Variants in SLC4A7 observed in about 807,000 individuals in gnomAD.
The protein encoded by SLC4A7 is solute carrier family 4 member 7.
In SLC4A7, 51 loss-of-function variants were observed where a neutral mutation model predicts 137.6. The observed-to-expected ratio is 0.37, with a 90% CI of 0.30 to 0.47. The LOEUF (loss-of-function observed/expected upper bound fraction) is 0.47, where lower values mean the gene tolerates loss of function less well. Among genes scored for constraint, SLC4A7 ranks in the 20% least tolerant of loss-of-function variants. The pLI, the probability that SLC4A7 is intolerant of heterozygous loss-of-function variation, is 1.00. For synonymous variants in SLC4A7, 542 were observed against 518.6 expected, an observed-to-expected ratio of 1.05 and a Z score of -0.61; for missense variants, 1,247 against 1,525.4, an observed-to-expected ratio of 0.82 and a Z score of 3.04.
intron 11 of SLC4A7, among the ~76,000 whole-genome samples, chr3:27,412,089 C>T (rs1576297993): frequency 6.6e-6 from 1 of 152,218 alleles, no homozygotes; most frequent in East Asian, 1.9e-4. Flanking sequence ...ATCTCTCCCA[C>T]CAAAACTTTA....
At chr3:27,465,499 TAACA>T (rs1353290146) in intron 1 of SLC4A7, among the ~76,000 whole-genome samples, 150 of 139,982 alleles carry the variant, frequency 1.1e-3, no homozygotes, top group African/African-American at 3.8e-3. Context: ...AAAAAAGTAC[TAACA>T]TTTTTACTGC....
chr3:27,474,359 C>T (rs539981275), intron 1 of SLC4A7, among the ~76,000 whole-genome samples: 5 of 152,222 alleles, frequency 3.3e-5, no homozygotes, highest in African/African-American at 1.2e-4. Context: ...GTTTTAAAAA[C>T]AGTATAAAGC....
intron 1 of SLC4A7, among the ~76,000 whole-genome samples, chr3:27,469,757 A>C (rs940170594): frequency 1.3e-5 from 2 of 152,188 alleles, no homozygotes; most frequent in Non-Finnish European, 1.5e-5. Context: ...CTGTCTCAAA[A>C]AAAAATAATA....
rs370701448 is a variant in SLC4A7 at position 27,452,379 on chromosome 3, T to C, written c.142+38A>G. 1.1e-5 allele frequency: 14 copies of C among 1,294,510 alleles called. No homozygotes were observed. The African/African-American group carries it at 1.9e-4, about 18-fold the overall frequency. 80.2% of individuals were successfully genotyped at this position (1,294,510 alleles called of 1,614,324 possible). A position where few individuals can be genotyped will look rare whatever the true frequency, so the allele number is the denominator to read the frequency against. ...CTTAAAAACATTAATTAGTAAATTA[T>C]CCTACTAAGCGAAGTAAGTTATTTT... On this transcript the variant is annotated intron_variant, in intron 2 of 25. Transcript: ENST00000454389.
At chr3:27,411,535 A>G in intron 12 of SLC4A7, 107 bp downstream of exon 12, 1 of 451,796 alleles carries the variant, frequency 2.2e-6, no homozygotes, top group Non-Finnish European at 3.8e-6. Context: ...ATACATATGA[A>G]AAAATACTGT....
At chr3:27,466,239 C>A (rs1471586730) in intron 1 of SLC4A7, among the ~76,000 whole-genome samples, 1 of 151,388 alleles carries the variant, frequency 6.6e-6, no homozygotes, top group East Asian at 2.0e-4. Flanking sequence ...ATCACGAGGT[C>A]AGGAGATCGA....
chr3:27,397,314 CCTGG>C (rs2052286260), intron 18 of SLC4A7, among the ~76,000 whole-genome samples: 1 of 152,142 alleles, frequency 6.6e-6, no homozygotes, highest in South Asian at 2.1e-4. Flanking sequence ...CTGCACCTGG[CCTGG>C]GTTACTTCTT....
At chr3:27,436,593 C>A in intron 4 of SLC4A7, 45 bp from the exon 5 acceptor site, 4 of 1,203,382 alleles carry the variant, frequency 3.3e-6, no homozygotes, top group South Asian at 3.2e-5. Flanking sequence ...AATGAAGATT[C>A]CATTTGTTTA....
At chr3:27,467,934 T>C (rs979559654) in intron 1 of SLC4A7, among the ~76,000 whole-genome samples, 5 of 152,228 alleles carry the variant, frequency 3.3e-5, no homozygotes, top group African/African-American at 1.2e-4. Context: ...TACTATTAAA[T>C]ATTTCATTTT....
rs1053140036 is a variant in SLC4A7, at chr3:27,484,240, G to C, written c.-114C>G. The C allele has an allele frequency of 4.5e-6, 4 of 880,602 alleles. No individual in the cohort carries two copies. Among genetic ancestry groups the C allele is most frequent in the Non-Finnish European group, 5.9e-6 (4 of 672,572 alleles). The allele number at this position is 880,602 out of a possible 1,614,324, so 54.5% of individuals were successfully genotyped here. A position where few individuals can be genotyped will look rare whatever the true frequency, so the allele number is the denominator to read the frequency against. ...CCCCCGGCGCGCGAGGACAAACGTGGGTGCGTCCGTGCGCGAGGTGTGCGC... is the reference window on the plus strand; with the variant it reads ...CCCCCGGCGCGCGAGGACAAACGTGCGTGCGTCCGTGCGCGAGGTGTGCGC... On this transcript the variant is annotated 5_prime_UTR_variant, in exon 1 of 26. Transcript: ENST00000454389.
At chr3:27,445,963 A>AATATATATATATATATATATAT (rs201941653) in intron 3 of SLC4A7, among the ~76,000 whole-genome samples, 3 of 37,498 alleles carry the variant, frequency 8.0e-5, no homozygotes, top group African/African-American at 3.2e-4. Flanking sequence ...AAAAAAAAAA[A>AATATATATATATATATATATAT]ATATATATAT....
intron 1 of SLC4A7, among the ~76,000 whole-genome samples, chr3:27,465,921 TC>T (rs1353403792): frequency 7.5e-6 from 1 of 134,018 alleles, no homozygotes; most frequent in African/African-American, 2.9e-5. Context: ...CCCACTGCAC[TC>T]CAGCCTGGGC....
In SLC4A7 at chr3:27,431,546, C is replaced by G; in HGVS notation, c.902G>C (p.Gly301Ala). The change falls in exon 7 of 26, where the codon GGA becomes GCA. Residue 301 changes from glycine (G) to alanine (A), a missense_variant. Gly to Ala is a moderately conservative substitution (Grantham distance 60). Coordinates refer to ENST00000454389, the MANE Select transcript of SLC4A7 (RefSeq NM_001321103.2). ...LGHLLPSSRA[G>A]TPAGSRCTTP... is the part of the protein sequence containing the mutation. ...TGTACACCTTGAGCCTGCAGGGGTT[C>G]CAGCTCTTGAAGAAGGAAGAAGATG... The G allele has an allele frequency of 6.2e-7, 1 of 1,613,972 alleles. No individual in the cohort carries two copies.
At chr3:27,436,346 C>T in intron 5 of SLC4A7, 42 bp downstream of exon 5, 1 of 1,479,040 alleles carries the variant, frequency 6.8e-7, no homozygotes, top group Non-Finnish European at 9.4e-7. Flanking sequence ...TCTAAAATTC[C>T]ACTACACCTT....
At chr3:27,414,616 T>A (rs563704530) in intron 11 of SLC4A7, among the ~76,000 whole-genome samples, 2 of 152,240 alleles carry the variant, frequency 1.3e-5, no homozygotes, top group Non-Finnish European at 2.9e-5. Flanking sequence ...AGGATCCATG[T>A]TGCAAAAGAA....
chr3:27,394,890 T>A (rs969900086), intron 19 of SLC4A7, 64 bp downstream of exon 19: 1 of 1,540,196 alleles, frequency 6.5e-7, no homozygotes, highest in African/African-American at 1.4e-5. Flanking sequence ...AATGTTCTAA[T>A]CATTACAAAA....
At chr3:27,391,120 G>A (rs1212107786) in intron 21 of SLC4A7, among the ~76,000 whole-genome samples, 1 of 152,178 alleles carries the variant, frequency 6.6e-6, no homozygotes, top group African/African-American at 2.4e-5. Context: ...ATGATAGCCA[G>A]CCTAAATGTT....
intron 3 of SLC4A7, among the ~76,000 whole-genome samples, chr3:27,442,502 C>T (rs1221250624): frequency 6.6e-6 from 1 of 150,946 alleles, no homozygotes; most frequent in Non-Finnish European, 1.5e-5. Context: ...GGCGCAATCT[C>T]GGCTCACTAG....
chr3:27,386,048 T>C lies in SLC4A7; in HGVS notation c.3361-25A>G, dbSNP rs148137513. ...CCTTTAAAAAGTGGGGAAGGAAATATTAAGTAACACATAATACAAACTGTA... is the reference window on the plus strand; with the variant it reads ...CCTTTAAAAAGTGGGGAAGGAAATACTAAGTAACACATAATACAAACTGTA... On this transcript the variant is annotated intron_variant, in intron 22 of 25. Transcript: ENST00000454389. 37 of 1,570,064 alleles carry C rather than the reference T, an allele frequency of 2.4e-5. No individual in the cohort carries two copies. The African/African-American group carries it at 4.7e-4, about 20-fold the overall frequency.
Sources: allele counts gnomAD v4.1 joint callset (sites outside exome capture counted in the v4.1 genomes callset), GRCh38; gene constraint gnomAD v4.1.1; transcripts MANE v1.5; gene names NCBI Gene and HGNC (gene_info 2026-07-23, HGNC 2026-07-21).